Variants in GPI observed in about 807,000 individuals in gnomAD.
GPI encodes glucose-6-phosphate isomerase.
In GPI, 56 loss-of-function variants were observed where a neutral mutation model predicts 75.8. That is an observed-to-expected ratio of 0.74 (90% CI 0.60 to 0.92). The LOEUF (loss-of-function observed/expected upper bound fraction) is 0.92. GPI is among the 40% of genes least tolerant of loss of function. The pLI, the probability that GPI is intolerant of heterozygous loss-of-function variation, is 0.00. For synonymous variants in GPI, 288 were observed against 285.4 expected (o/e 1.01, Z -0.09); for missense variants, 638 against 741.0 (o/e 0.86, Z 1.61).
intron 4 of GPI, among the ~76,000 whole-genome samples, chr19:34,373,431 C>T (rs2074485670): frequency 6.6e-6 from 1 of 150,744 alleles, no homozygotes. Flanking sequence ...GTGGTGCATG[C>T]CGGTAGTCCC....
At chr19:34,396,828 G>C (rs955238528) in intron 14 of GPI, among the ~76,000 whole-genome samples, 171 bp downstream of exon 14, 3 of 152,088 alleles carry the variant, frequency 2.0e-5, no homozygotes, top group African/African-American at 7.2e-5. Context: ...GGTGGGGAGG[G>C]GGGACAGAGT....
chr19:34,399,901 A>G lies in GPI; in HGVS notation c.1542A>G (p.Gly514=). The change falls in exon 18 of 18, where the codon GGA becomes GGG. Residue 514 remains glycine (G), a splice_region_variant and synonymous_variant. Coordinates refer to ENST00000356487, the MANE Select transcript of GPI (RefSeq NM_000175.5). ...IWDINSFDQW[G]VELGKQLAKK... ...TTCCCTTCCCTTCCCTTCTTGGCAG[A>G]GTGGAGCTGGGAAAGCAGCTGGCTA... 6.2e-7 allele frequency: 1 copy of G among 1,614,002 alleles called. No homozygotes were observed. The highest frequency in any genetic ancestry group is 1.1e-5 in the South Asian group (1 of 91,078).
At chr19:34,398,996 C>T (rs994064362) in intron 14 of GPI, 3 of 466,408 alleles carry the variant, frequency 6.4e-6, no homozygotes, top group Middle Eastern at 6.1e-4. Context: ...TGAGCCACCG[C>T]GCCTGGCCAC....
At chr19:34,372,323 A>G (rs1228686538) in intron 4 of GPI, among the ~76,000 whole-genome samples, 3 of 152,154 alleles carry the variant, frequency 2.0e-5, no homozygotes, top group African/African-American at 7.2e-5. Flanking sequence ...GTATTGATGG[A>G]AATTTTCCCA....
chr19:34,366,423 G>A lies in GPI; in HGVS notation c.201G>A (p.Met67Ile), dbSNP rs369971788. 9 of 1,610,944 alleles carry A rather than the reference G, an allele frequency of 5.6e-6. No individual in the cohort carries two copies. In the African/African-American group the frequency reaches 9.3e-5, roughly 17 times the overall value. Residue 67 changes from methionine to isoleucine, a missense_variant, in exon 2 of 18, where the codon ATG (methionine) becomes ATA (isoleucine). Physicochemically the swap from Met to Ile is conservative, Grantham distance 10. Coordinates refer to ENST00000356487, the MANE Select transcript of GPI (RefSeq NM_000175.5). ...KNLVTEDVMRMLVDLAKSRGV... is the reference protein window; with the variant it reads ...KNLVTEDVMRILVDLAKSRGV... ...TGGTGACGGAGGACGTGATGCGGAT[G>A]CTGGTGGACTTGGTAATGTTCTGCT...
At position 34,399,802 on chromosome 19, in the gene GPI, G is replaced by A. The variant is rs919397584; in HGVS notation, c.1541+17G>A. The A allele has an allele frequency of 6.2e-7, 1 of 1,613,514 alleles. No individual in the cohort carries two copies. The highest frequency in any genetic ancestry group is 1.3e-5 in the African/African-American group (1 of 74,872). Reference sequence around the variant, plus strand: ...CCAGTGGGGGTGAGTTGCTCACTTAGGGGAGGGCCGGGAATACCTTTGTGT... The same window carrying A: ...CCAGTGGGGGTGAGTTGCTCACTTAAGGGAGGGCCGGGAATACCTTTGTGT... On this transcript the variant is annotated intron_variant, in intron 17 of 17. Coordinates refer to ENST00000356487, the MANE Select transcript of GPI (RefSeq NM_000175.5).
upstream of GPI, among the ~76,000 whole-genome samples, chr19:34,360,568 A>G (rs1267613442): frequency 1.3e-5 from 2 of 152,144 alleles, no homozygotes; most frequent in African/African-American, 4.8e-5. Flanking sequence ...ACCGCACTCC[A>G]GCCTGGGTGA....
chr19:34,380,043 C>CTGGA (rs1482837600), intron 8 of GPI, among the ~76,000 whole-genome samples: 1 of 128,278 alleles, frequency 7.8e-6, no homozygotes, highest in African/African-American at 3.1e-5. Context: ...GTTGCCCAGG[C>CTGGA]TGGAGTGCAG....
intron 9 of GPI, chr19:34,392,899 C>G (rs1443119964): frequency 3.8e-6 from 1 of 262,036 alleles, no homozygotes; most frequent in Non-Finnish European, 6.8e-6. Context: ...GGAGGTGGGC[C>G]CTGGCGCAGG....
rs11549000 is a variant in GPI, at chr19:34,396,606, C to T, written c.1218C>T (p.Phe406=). The part of the protein sequence containing the change: ...HQGTKMIPCD[F]LIPVQTQHPI... ...GCACCAAGATGATACCCTGTGACTT[C>T]CTCATCCCGGTCCAGACCCAGCACC... Residue 406 remains phenylalanine (F), a synonymous_variant, in exon 14 of 18, where the codon TTC becomes TTT. Coordinates refer to ENST00000356487, the MANE Select transcript of GPI (RefSeq NM_000175.5). The T allele has an allele frequency of 1.2e-6, 2 of 1,614,196 alleles. No individual in the cohort carries two copies. The highest frequency in any genetic ancestry group is 2.2e-5 in the South Asian group (2 of 91,084).
intron 9 of GPI, among the ~76,000 whole-genome samples, chr19:34,387,288 T>A (rs2074750499): frequency 6.6e-6 from 1 of 152,252 alleles, no homozygotes; most frequent in South Asian, 2.1e-4. Context: ...AGTGCTGGTA[T>A]GTTTATCTGG....
At chr19:34,371,130 TG>T (rs2074445819) in intron 4 of GPI, among the ~76,000 whole-genome samples, 1 of 152,254 alleles carries the variant, frequency 6.6e-6, no homozygotes, top group Non-Finnish European at 1.5e-5. Flanking sequence ...CTGCACCGTC[TG>T]GGGTGCTGTT....
In GPI at chr19:34,393,950, G is replaced by GC; in HGVS notation, c.951dup (p.Val318ArgfsTer17). ...CCGCACGACGCCCCTGGAGAAGAAC[G>GC]CCCCCGTCTTGCTGGCCCTGCTGGG... On this transcript the variant is annotated frameshift_variant, in exon 12 of 18. Transcript: ENST00000356487. LOFTEE classifies it high-confidence loss of function. This position sits in a 1 kb window ranked among gnomAD's most constrained non-coding sequence, Gnocchi z 4.4. 6.2e-7 allele frequency: 1 copy of GC among 1,613,642 alleles called. No individual in the cohort carries two copies. Among genetic ancestry groups the GC allele is most frequent in the Non-Finnish European group, 8.5e-7 (1 of 1,179,904 alleles).
chr19:34,368,554 A>C (rs767472792), intron 3 of GPI, 29 bp from the exon 4 acceptor site: 3 of 1,613,314 alleles, frequency 1.9e-6, no homozygotes, highest in Admixed American at 1.7e-5. Flanking sequence ...TGGGGGGGGC[A>C]GTCTTTATAT....
In GPI at chr19:34,365,227, C is replaced by T. The variant is rs766677031; in HGVS notation, c.-40C>T. On this transcript the variant is annotated 5_prime_UTR_variant, in exon 1 of 18. Transcript: ENST00000356487. ...TGCGCGCTGCCGGCGCTCCTTCCTC[C>T]TCGGCTCGCGTCTCACTCAGTGTAC... 7.6e-6 allele frequency: 11 copies of T among 1,447,872 alleles called. No homozygotes were observed. The highest frequency in any genetic ancestry group is 1.5e-5 in the African/African-American group (1 of 68,840). The allele number at this position is 1,447,872 out of a possible 1,614,324, so 89.7% of individuals were successfully genotyped here.
At chr19:34,365,877 C>G (rs150304312) in intron 1 of GPI, 173 of 471,604 alleles carry the variant, frequency 3.7e-4, no homozygotes, top group African/African-American at 3.1e-3. Context: ...GCAGAAGACA[C>G]CTGTGCACGA....
At chr19:34,376,575 A>G (rs1480029946) in intron 4 of GPI, among the ~76,000 whole-genome samples, 1 of 151,824 alleles carries the variant, frequency 6.6e-6, no homozygotes, top group Non-Finnish European at 1.5e-5. Context: ...AAAAAAAAAA[A>G]AAAAAGGCTA....
At chr19:34,377,636 T>C in intron 5 of GPI, 50 bp downstream of exon 5, 1 of 1,583,224 alleles carries the variant, frequency 6.3e-7, no homozygotes, top group Non-Finnish European at 8.7e-7. Flanking sequence ...GCACTGTTGG[T>C]CCCACTCAGG....
At chr19:34,383,920 G>T (rs2074693483) in intron 9 of GPI, among the ~76,000 whole-genome samples, 1 of 152,188 alleles carries the variant, frequency 6.6e-6, no homozygotes. Context: ...GAAAGTGTCT[G>T]TTCAGGTTAG....
Sources: allele counts gnomAD v4.1 joint callset (sites outside exome capture counted in the v4.1 genomes callset), GRCh38; gene constraint gnomAD v4.1.1; non-coding constraint Gnocchi (gnomAD v3.1); transcripts MANE v1.5; gene names NCBI Gene and HGNC (gene_info 2026-07-23, HGNC 2026-07-21).